EFR3A: variants seen among roughly 807,000 people sequenced by gnomAD.
The protein encoded by EFR3A is EFR3 homolog A.
In EFR3A, 76 loss-of-function variants were observed where a neutral mutation model predicts 104.4. The observed-to-expected ratio is 0.73, with a 90% CI of 0.60 to 0.88. EFR3A has a LOEUF of 0.88. EFR3A is among the 40% of genes least tolerant of loss of function. The pLI is 0.00. For synonymous variants in EFR3A, 330 were observed against 330.0 expected (o/e 1.00, Z 0.00); for missense variants, 985 against 1,012.5 (o/e 0.97, Z 0.37).
intron 1 of EFR3A, among the ~76,000 whole-genome samples, chr8:131,915,365 C>A (rs2130404908): frequency 1.3e-5 from 2 of 152,286 alleles, no homozygotes; most frequent in Middle Eastern, 6.8e-3. Context: ...TCATTTCAGT[C>A]ATAGGTACTG....
rs1389323638 is a variant in EFR3A at position 132,012,209 on chromosome 8, A to G, written c.*1314A>G. On this transcript the variant is annotated 3_prime_UTR_variant, in exon 23 of 23. Transcript: ENST00000254624. ...TATCAAAAACTGTAGCCTAGAATAC[A>G]GTTTAATTTTTGGCTTTTGTTTTTG... The G allele has an allele frequency of 1.3e-5, 2 of 152,196 alleles. No individual in the cohort carries two copies. The highest frequency in any genetic ancestry group is 1.9e-4 in the East Asian group (1 of 5,200). The allele number at this position is 152,196 out of a possible 1,614,324, so 9.4% of individuals were successfully genotyped here. A position where few individuals can be genotyped will look rare whatever the true frequency, so the allele number is the denominator to read the frequency against.
chr8:131,949,911 G>A, intron 4 of EFR3A, 58 bp from the exon 5 acceptor site: 1 of 1,414,218 alleles, frequency 7.1e-7, no homozygotes, highest in Non-Finnish European at 9.5e-7. Context: ...GAAATTAAAT[G>A]TATTTGGTTC....
intron 10 of EFR3A, among the ~76,000 whole-genome samples, chr8:131,972,074 G>A (rs1820082363): frequency 6.6e-6 from 1 of 151,950 alleles, no homozygotes; most frequent in Non-Finnish European, 1.5e-5. Flanking sequence ...TGTAAGCAGG[G>A]GCCCCCTTTT....
rs186881379 is a variant in EFR3A at position 131,960,735 on chromosome 8, G to C, written c.855+1072G>C. On this transcript the variant is annotated intron_variant, in intron 8 of 22. Coordinates refer to ENST00000254624, the MANE Select transcript of EFR3A (RefSeq NM_015137.6). ...GTTTACATAGTTTCAAATATAGTAAGGCATTTCTGGTAAAGGGAAAGTATT... is the reference window on the plus strand; with the variant it reads ...GTTTACATAGTTTCAAATATAGTAACGCATTTCTGGTAAAGGGAAAGTATT... Among the ~76,000 whole-genome samples the C allele has an allele frequency of 3.9e-3, 595 of 152,256 alleles. 1 individual carries two copies. Among genetic ancestry groups the C allele is most frequent in the Non-Finnish European group, 7.2e-3 (492 of 68,010 alleles).
chr8:132,009,530 G>A (rs1247654550), intron 22 of EFR3A, among the ~76,000 whole-genome samples: 1 of 152,038 alleles, frequency 6.6e-6, no homozygotes, highest in Non-Finnish European at 1.5e-5. Flanking sequence ...CTGCATATGG[G>A]TAAGTGGAAG....
rs78066414 is a variant in EFR3A, at chr8:131,994,061, G to T, written c.2066-2345G>T. ...AAATTTATGTGTATAACAAACCTGC[G>T]CATGTACCCCTGAACTTAAAAGTTA... On this transcript the variant is annotated intron_variant, in intron 18 of 22. Transcript: ENST00000254624. Among the ~76,000 whole-genome samples the T allele has an allele frequency of 4.8e-4, 73 of 151,982 alleles. 1 individual carries two copies. The East Asian group carries it at 0.011, about 23-fold the overall frequency.
intron 7 of EFR3A, among the ~76,000 whole-genome samples, chr8:131,958,144 C>T (rs552240946): frequency 3.9e-5 from 6 of 152,082 alleles, no homozygotes; most frequent in East Asian, 3.9e-4. Flanking sequence ...ATGCTTGAAG[C>T]GGTAAATAAA....
chr8:131,984,067 T>C (rs1349493509), intron 14 of EFR3A, 72 bp from the exon 15 acceptor site: 12 of 1,367,282 alleles, frequency 8.8e-6, no homozygotes, highest in Non-Finnish European at 1.2e-5. Context: ...ACTGTAAAAG[T>C]ATATGCATGT....
chr8:131,955,905 C>T lies in EFR3A; in HGVS notation c.776C>T (p.Ala259Val), dbSNP rs759555318. The T allele has an allele frequency of 6.8e-6, 11 of 1,611,936 alleles. No homozygotes were observed. The highest frequency in any genetic ancestry group is 3.3e-5 in the Admixed American group (2 of 59,774). The change falls in exon 7 of 23, where the codon GCG (alanine) becomes GTG (valine). Residue 259 changes from alanine to valine, a missense_variant and splice_region_variant. Physicochemically the swap from Ala to Val is moderately conservative, Grantham distance 64 (BLOSUM62 0). Coordinates refer to ENST00000254624, the MANE Select transcript of EFR3A (RefSeq NM_015137.6). ...AATAATGCTGTTAGACCAGTTTTTG[C>T]GTAAGTAGTTGGTGTTTTCCTGGTT... ...NMNNAVRPVF[A>V]HLDHHKLWDP...
Position 132,001,817 on chromosome 8 carries a change from T to C in EFR3A, c.2206+10T>C. On this transcript the variant is annotated intron_variant, in intron 20 of 22. Coordinates refer to ENST00000254624, the MANE Select transcript of EFR3A (RefSeq NM_015137.6). Reference sequence around the variant, plus strand: ...TTGAAGAAAGCAATTGGTGAGATATTTTGCACTTGTTAGTACTACCAATAT... The same window carrying C: ...TTGAAGAAAGCAATTGGTGAGATATCTTGCACTTGTTAGTACTACCAATAT... 6.2e-7 allele frequency: 1 copy of C among 1,611,222 alleles called. No individual in the cohort carries two copies. The highest frequency in any genetic ancestry group is 8.5e-7 in the Non-Finnish European group (1 of 1,177,548).
intron 4 of EFR3A, 145 bp from the exon 5 acceptor site, chr8:131,949,824 T>C (rs1318672963): frequency 2.6e-6 from 2 of 756,242 alleles, no homozygotes; most frequent in Admixed American, 6.6e-5. Flanking sequence ...AGAAAGAAAG[T>C]TTCTTCTGTA....
intron 2 of EFR3A, among the ~76,000 whole-genome samples, chr8:131,942,555 A>G (rs1273388096): frequency 6.6e-6 from 1 of 152,150 alleles, no homozygotes; most frequent in Non-Finnish European, 1.5e-5. Flanking sequence ...CATGAGGACT[A>G]AATGAGTTAA....
intron 1 of EFR3A, chr8:131,935,593 G>T (rs566605190): frequency 5.2e-6 from 2 of 386,614 alleles, no homozygotes; most frequent in East Asian, 8.6e-5. Flanking sequence ...TACATAGAAG[G>T]TGTAGATACT....
intron 11 of EFR3A, 42 bp downstream of exon 11, chr8:131,976,183 C>A: frequency 1.6e-6 from 2 of 1,232,084 alleles, no homozygotes; most frequent in Non-Finnish European, 2.3e-6. Context: ...TCTTGAGTTA[C>A]ATTTTATCCT....
intron 2 of EFR3A, 94 bp from the exon 3 acceptor site, chr8:131,944,651 C>A: frequency 2.4e-6 from 3 of 1,261,114 alleles, no homozygotes; most frequent in African/African-American, 1.5e-5. Context: ...GTTTAATCCC[C>A]AATCCAGAAA....
intron 1 of EFR3A, chr8:131,938,394 A>G (rs563495959): frequency 5.1e-6 from 2 of 392,982 alleles, no homozygotes; most frequent in Admixed American, 8.8e-5. Flanking sequence ...TCTATATAGT[A>G]ATTTCTTTTG....
intron 13 of EFR3A, 74 bp from the exon 14 acceptor site, chr8:131,979,267 AAATAC>A (rs1453007519): frequency 1.7e-6 from 2 of 1,192,298 alleles, no homozygotes; most frequent in African/African-American, 3.1e-5. Context: ...TCCTAAGTAT[AAATAC>A]AATTTTCCAT....
chr8:131,923,126 G>A (rs192028859), intron 1 of EFR3A, among the ~76,000 whole-genome samples: 2 of 152,206 alleles, frequency 1.3e-5, no homozygotes, highest in African/African-American at 4.8e-5. Context: ...AAGTAATGCT[G>A]AAAAGGTAGA....
At chr8:131,919,198 G>A (rs1816881318) in intron 1 of EFR3A, among the ~76,000 whole-genome samples, 1 of 151,812 alleles carries the variant, frequency 6.6e-6, no homozygotes, top group South Asian at 2.1e-4. Context: ...ATTTTAAACT[G>A]TGACCTTAGT....
Sources: gnomAD v4.1 joint callset for allele counts (sites outside exome capture counted in the v4.1 genomes callset) on GRCh38, gnomAD v4.1.1 for gene constraint, MANE v1.5 for transcripts, NCBI Gene and HGNC (gene_info 2026-07-23, HGNC 2026-07-21) for gene names.